Variants in MAPK12 observed in about 807,000 individuals in gnomAD.
MAPK12 encodes the protein mitogen-activated protein kinase 12.
MAPK12 carries 49 observed loss-of-function variants against 49.1 expected under a neutral mutation model. The observed-to-expected ratio is 1.00, with a 90% CI of 0.79 to 1.27. MAPK12 has a LOEUF of 1.27. MAPK12 is among the 50% of genes most tolerant of loss of function. The pLI is 0.00. For synonymous variants in MAPK12, 251 were observed against 209.7 expected (o/e 1.20, Z -1.70); for missense variants, 554 against 502.4 (o/e 1.10, Z -0.98).
At chr22:50,261,364 C>T (rs1401457587) in intron 1 of MAPK12, 21 bp downstream of exon 1, 1 of 1,134,014 alleles carries the variant, frequency 8.8e-7, no homozygotes, top group South Asian at 3.6e-5. Flanking sequence ...CCGCCGGCCG[C>T]CCCGCCCGGC....
chr22:50,253,502 G>GGGCCCCCCCCCCC, intron 11 of MAPK12, 22 bp from the exon 12 acceptor site: 2 of 171,662 alleles, frequency 1.2e-5, no homozygotes, highest in East Asian at 1.5e-4. Context: ...GGGGGGGCGG[G>GGGCCCCCCCCCCC]CACAACAGAG....
At chr22:50,258,080 G>A (rs2065127646) in intron 3 of MAPK12, 163 bp downstream of exon 3, 1 of 733,644 alleles carries the variant, frequency 1.4e-6, no homozygotes, top group Non-Finnish European at 2.5e-6. Flanking sequence ...ACCATGTGGG[G>A]GAGGGCGTGG....
Position 50,261,436 on chromosome 22 carries a change from G to T in MAPK12, c.74C>A (p.Ala25Asp). Residue 25 changes from alanine to aspartate, a missense_variant, in exon 1 of 12, where the codon GCC (alanine) becomes GAC (aspartate). Physicochemically the swap from Ala to Asp is moderately radical, Grantham distance 126 (BLOSUM62 -2). Coordinates refer to ENST00000215659, the MANE Select transcript of MAPK12 (RefSeq NM_002969.6). The stretch of plus-strand genomic sequence containing the variant: ...CACGGGCTGCAGGTCCCGGTACACG[G>T]CGCGCACCTCCCAGGCCGTCTTGGT... Reference protein sequence around the residue: ...EVTKTAWEVRAVYRDLQPVGS... With the variant: ...EVTKTAWEVRDVYRDLQPVGS... 7.8e-7 allele frequency: 1 copy of T among 1,275,508 alleles called. No homozygotes were observed. Among genetic ancestry groups the T allele is most frequent in the Non-Finnish European group, 1.0e-6 (1 of 987,984 alleles). The allele number at this position is 1,275,508 out of a possible 1,614,324, so 79.0% of individuals were successfully genotyped here. A position where few individuals can be genotyped will look rare whatever the true frequency, so the allele number is the denominator to read the frequency against.
chr22:50,258,316 T>C lies in MAPK12; in HGVS notation c.256-15A>G, dbSNP rs2147260017. 1 of 1,612,054 alleles carries C rather than the reference T, an allele frequency of 6.2e-7. No homozygotes were observed. The highest frequency in any genetic ancestry group is 1.7e-5 in the Admixed American group (1 of 60,010). On this transcript the variant is annotated splice_polypyrimidine_tract_variant and intron_variant, in intron 2 of 11. Coordinates refer to ENST00000215659, the MANE Select transcript of MAPK12 (RefSeq NM_002969.6). ...AGCCCGATCACCTGGGGGGGCCACATAGGGTTGAGAATGCAGCAGAGGACA... is the reference window on the plus strand; with the variant it reads ...AGCCCGATCACCTGGGGGGGCCACACAGGGTTGAGAATGCAGCAGAGGACA...
rs2147252952 is a variant in MAPK12, at chr22:50,253,481, CTGG to C, written c.1025-4_1025-2del. 5.6e-6 allele frequency: 1 copy of C among 178,160 alleles called. No homozygotes were observed. The highest frequency in any genetic ancestry group is 8.4e-6 in the Non-Finnish European group (1 of 119,284). The allele number at this position is 178,160 out of a possible 1,614,324, so 11.0% of individuals were successfully genotyped here. On this transcript the variant is annotated splice_acceptor_variant and splice_polypyrimidine_tract_variant and intron_variant, in intron 11 of 11. Transcript: ENST00000215659. LOFTEE classifies it high-confidence loss of function. ...CTGAGCACCTCTTTGTAAGTAACACCTGGCGGGGGTGGGGGGGCGGGCACAACA... is the reference window on the plus strand; with the variant it reads ...CTGAGCACCTCTTTGTAAGTAACACCCGGGGGTGGGGGGGCGGGCACAACA...
intron 11 of MAPK12, 177 bp downstream of exon 11, chr22:50,255,020 T>C (rs1244798118): frequency 4.0e-6 from 6 of 1,483,082 alleles, no homozygotes; most frequent in Non-Finnish European, 5.4e-6. Context: ...GATCTAGGAC[T>C]CTGAGCCTGG....
chr22:50,258,502 G>A (rs2065176346), intron 2 of MAPK12, among the ~76,000 whole-genome samples: 1 of 152,252 alleles, frequency 6.6e-6, no homozygotes, highest in African/African-American at 2.4e-5. Flanking sequence ...GCCCAGCCCT[G>A]GCACACATAC....
Position 50,261,571 on chromosome 22 carries a change from GGGGCTCCCTCGGCGCGCGCCTC to G in MAPK12, c.-84_-63del. ...GGGCGGTGCCCCCACGACCGGGGAC[GGGGCTCCCTCGGCGCGCGCCTC>G]GGGCCGGCTCCGCGCCGCTCGTCCG... On this transcript the variant is annotated 5_prime_UTR_variant, in exon 1 of 12. Coordinates refer to ENST00000215659, the MANE Select transcript of MAPK12 (RefSeq NM_002969.6). 1.9e-6 allele frequency: 2 copies of G among 1,027,946 alleles called. No homozygotes were observed. Among genetic ancestry groups the G allele is most frequent in the Non-Finnish European group, 2.3e-6 (2 of 859,206 alleles). The allele number at this position is 1,027,946 out of a possible 1,614,324, so 63.7% of individuals were successfully genotyped here.
rs755504115 is a variant in MAPK12 at position 50,256,077 on chromosome 22, C to T, written c.619+8G>A. On this transcript the variant is annotated splice_region_variant and intron_variant, in intron 7 of 11. Transcript: ENST00000215659. ...CTGAGAGGCCCAGATCTCTGGGCAG[C>T]TTCTCACCCGTCTGCGTGTAGCGCA... is the stretch of plus-strand genomic sequence containing the variant. 1 of 1,609,782 alleles carries T rather than the reference C, an allele frequency of 6.2e-7. No homozygotes were observed. The highest frequency in any genetic ancestry group is 8.5e-7 in the Non-Finnish European group (1 of 1,177,988).
At chr22:50,256,727 A>T (rs1039318185) in intron 5 of MAPK12, 81 bp from the exon 6 acceptor site, 39 of 1,539,740 alleles carry the variant, frequency 2.5e-5, no homozygotes, top group Non-Finnish European at 3.4e-5. Flanking sequence ...GCACCTAAAG[A>T]TGGGGCCACC....
intron 3 of MAPK12, chr22:50,257,580 C>T (rs1323263734): frequency 1.8e-6 from 1 of 547,246 alleles, no homozygotes; most frequent in Non-Finnish European, 3.3e-6. Context: ...CAGGTTTCAA[C>T]TTCACAACTT....
In MAPK12 at chr22:50,253,236, G is replaced by A. The variant is rs1263282528; in HGVS notation, c.*165C>T. 11 of 682,204 alleles carry A rather than the reference G, an allele frequency of 1.6e-5. No individual in the cohort carries two copies. The highest frequency in any genetic ancestry group is 2.2e-5 in the Non-Finnish European group (8 of 371,942). The allele number at this position is 682,204 out of a possible 1,614,324, so 42.3% of individuals were successfully genotyped here. A position where few individuals can be genotyped will look rare whatever the true frequency, so the allele number is the denominator to read the frequency against. On this transcript the variant is annotated 3_prime_UTR_variant, in exon 12 of 12. Coordinates refer to ENST00000215659, the MANE Select transcript of MAPK12 (RefSeq NM_002969.6). Reference sequence around the variant, plus strand: ...GTGCTCCTCCATGATGGGCGCCCAAGAGCAGAGGCATGGCCGTGGGGAGGA... The same window carrying A: ...GTGCTCCTCCATGATGGGCGCCCAAAAGCAGAGGCATGGCCGTGGGGAGGA...
intron 3 of MAPK12, chr22:50,257,629 GC>G (rs530144470): frequency 2.3e-5 from 13 of 573,936 alleles, no homozygotes; most frequent in South Asian, 1.6e-4. Context: ...GGCGATGGGG[GC>G]GCGGCAAGGC....
chr22:50,256,612 T>G lies in MAPK12; in HGVS notation c.491A>C (p.Asp164Ala). The G allele has an allele frequency of 6.2e-7, 1 of 1,611,652 alleles. No individual in the cohort carries two copies. The highest frequency in any genetic ancestry group is 8.5e-7 in the Non-Finnish European group (1 of 1,179,142). The change falls in exon 6 of 12, where the codon GAC becomes GCC. Residue 164 changes from aspartate (D) to alanine (A), a missense_variant. Asp to Ala is a moderately radical substitution (Grantham distance 126). Transcript: ENST00000215659. ...GGCAGCACACACCTTCAGCTCACAG[T>G]CTTCGTTCACAGCCAGGTTGCCGGG... ...LKPGNLAVNE[D>A]CELKILDFGL...
Position 50,255,360 on chromosome 22 carries a change from G to A in MAPK12, c.861C>T (p.Leu287=). Residue 287 remains leucine, a synonymous_variant, in exon 11 of 12, where the codon CTC becomes CTT. Coordinates refer to ENST00000215659, the MANE Select transcript of MAPK12 (RefSeq NM_002969.6). ...LTNASPLAVN[L]LEKMLVLDAE... ...CGTCCAGCACCAGCATCTTCTCCAG[G>A]AGGTTCACAGCTGCGGGGGAAGGTG... 3 of 1,613,256 alleles carry A rather than the reference G, an allele frequency of 1.9e-6. No homozygotes were observed. The highest frequency in any genetic ancestry group is 2.2e-5 in the East Asian group (1 of 44,888).
chr22:50,255,914 A>C (rs1569141998), intron 7 of MAPK12, 33 bp from the exon 8 acceptor site: 1 of 1,601,454 alleles, frequency 6.2e-7, no homozygotes, highest in Admixed American at 1.7e-5. Context: ...CTCCGTGGGC[A>C]GGGGGACAGG....
Position 50,261,152 on chromosome 22 carries a change from GGCC to G in MAPK12, c.255+12_255+14del. On this transcript the variant is annotated intron_variant, in intron 2 of 11. Coordinates refer to ENST00000215659, the MANE Select transcript of MAPK12 (RefSeq NM_002969.6). ...AGGCCGCGGCGCCTTCCCGGAGCGG[GGCC>G]GCGCGACTCACGTTCTCGTGGCGCA... The G allele has an allele frequency of 6.4e-7, 1 of 1,574,340 alleles. No homozygotes were observed. Among genetic ancestry groups the G allele is most frequent in the Non-Finnish European group, 8.6e-7 (1 of 1,159,966 alleles).
chr22:50,260,949 T>C, intron 2 of MAPK12: 1 of 485,052 alleles, frequency 2.1e-6, no homozygotes, highest in Non-Finnish European at 3.5e-6. Context: ...GCTGAGTCCT[T>C]CCCGGGGCTG....
intron 6 of MAPK12, 22 bp downstream of exon 6, chr22:50,256,557 GCCCCTGCCCCACCTCAGGGC>G: frequency 6.3e-7 from 1 of 1,596,732 alleles, no homozygotes; most frequent in Non-Finnish European, 8.5e-7. Flanking sequence ...TCCAGAGGGG[GCCCCTGCCCCACCTCAGGGC>G]CCCCTGCCAG....
Sources: allele counts gnomAD v4.1 joint callset (sites outside exome capture counted in the v4.1 genomes callset), GRCh38; gene constraint gnomAD v4.1.1; transcripts MANE v1.5; gene names NCBI Gene and HGNC (gene_info 2026-07-23, HGNC 2026-07-21).